The following GALK2 variants were observed in gnomAD, a reference collection of about 807,000 sequenced individuals.
GALK2 encodes N-acetylgalactosamine kinase.
A neutral mutation model predicts 52.4 loss-of-function variants in GALK2; 36 were observed. The observed-to-expected ratio is 0.69, with a 90% CI of 0.53 to 0.91. The LOEUF is 0.91. Among genes scored for constraint, GALK2 ranks in the 40% least tolerant of loss-of-function variants. GALK2 has a pLI of 0.00. For missense variants in GALK2, 579 were observed against 559.1 expected (o/e 1.04, Z -0.36); for synonymous variants, 176 against 199.1 (o/e 0.88, Z 0.98).
chr15:49,219,212 A>T (rs188156973), intron 3 of GALK2, among the ~76,000 whole-genome samples: 1 of 152,160 alleles, frequency 6.6e-6, no homozygotes, highest in Non-Finnish European at 1.5e-5. Flanking sequence ...GTGTCCTGGG[A>T]GGAACCTGGT....
rs528958680 is a variant in GALK2, at chr15:49,270,671, A to G, written c.505-11316A>G. On this transcript the variant is annotated intron_variant, in intron 5 of 9. Transcript: ENST00000560031. ...AGTGTTTGCGAATTAACTATTGTAT[A>G]CATAAAACCCTTTCCCCAAGGCAAA... 3.9e-5 allele frequency among the ~76,000 whole-genome samples: 6 copies of G among 152,338 alleles called. No homozygotes were observed. The South Asian group carries it at 1.0e-3, about 26-fold the overall frequency.
At chr15:49,225,225 C>A (rs755974511) in intron 3 of GALK2, 2 of 455,860 alleles carry the variant, frequency 4.4e-6, no homozygotes, top group African/African-American at 2.0e-5. Context: ...CTGCAGGGCT[C>A]CCTCAGGCAG....
At chr15:49,233,030 A>G (rs371398013) in intron 3 of GALK2, among the ~76,000 whole-genome samples, 1 of 152,252 alleles carries the variant, frequency 6.6e-6, no homozygotes, top group African/African-American at 2.4e-5. Context: ...GTATCTTTAT[A>G]CCAATGCCCC....
chr15:49,293,935 A>G (rs1189137242), intron 8 of GALK2, among the ~76,000 whole-genome samples: 1 of 151,776 alleles, frequency 6.6e-6, no homozygotes, highest in Non-Finnish European at 1.5e-5. Flanking sequence ...CCCTGCCTCT[A>G]CCAGAAACAC....
intron 2 of GALK2, among the ~76,000 whole-genome samples, chr15:49,206,739 G>A (rs2088320603): frequency 6.6e-6 from 1 of 152,036 alleles, no homozygotes. Context: ...GCTTTCTGAA[G>A]GAGTCCATAG....
intron 3 of GALK2, among the ~76,000 whole-genome samples, chr15:49,234,395 C>T (rs547085529): frequency 2.8e-4 from 42 of 152,226 alleles, no homozygotes; most frequent in African/African-American, 9.9e-4. Context: ...TCAGATCTTT[C>T]TACCATAAAG....
At chr15:49,198,845 C>CCCTT in intron 1 of GALK2, 1 of 124,604 alleles carries the variant, frequency 8.0e-6, no homozygotes, top group Non-Finnish European at 1.7e-5. Flanking sequence ...CCCTCTCCCT[C>CCCTT]CCTCCCTCCC....
intron 1 of GALK2, among the ~76,000 whole-genome samples, chr15:49,159,317 T>C (rs1438778839): frequency 2.0e-5 from 3 of 152,192 alleles, no homozygotes; most frequent in African/African-American, 7.2e-5. Flanking sequence ...GGCTCACGCC[T>C]GTAATCCCAG....
chr15:49,334,184 T>A, downstream of GALK2: 1 of 869,856 alleles, frequency 1.1e-6, no homozygotes, highest in African/African-American at 1.8e-5. Flanking sequence ...TTAAAGATGA[T>A]CTTAAGCACT....
At chr15:49,207,030 G>A (rs532005207) in intron 2 of GALK2, among the ~76,000 whole-genome samples, 1 of 152,234 alleles carries the variant, frequency 6.6e-6, no homozygotes, top group African/African-American at 2.4e-5. Flanking sequence ...CAATTTTGCT[G>A]AGAGTCTTAA....
At chr15:49,285,724 A>G (rs891763994) in intron 7 of GALK2, among the ~76,000 whole-genome samples, 4 of 152,176 alleles carry the variant, frequency 2.6e-5, no homozygotes, top group Non-Finnish European at 5.9e-5. Context: ...TGACTATCAC[A>G]TTAGCCTTCT....
intron 1 of GALK2, among the ~76,000 whole-genome samples, chr15:49,180,779 G>C (rs62009779): frequency 0.59 from 89,376 of 151,880 alleles, 26,439 homozygotes; most frequent in Middle Eastern, 0.66. Context: ...ATGCTTCACC[G>C]TACCCCACCT....
intron 3 of GALK2, among the ~76,000 whole-genome samples, chr15:49,223,803 C>G (rs11632063): frequency 0.66 from 100,254 of 151,980 alleles, 33,653 homozygotes; most frequent in African/African-American, 0.74. Flanking sequence ...TGGGCACCTG[C>G]GTTGATTCCA....
chr15:49,334,926 AC>A (rs1433597262), downstream of GALK2, among the ~76,000 whole-genome samples: 10 of 152,190 alleles, frequency 6.6e-5, no homozygotes, highest in African/African-American at 2.4e-4. Flanking sequence ...ACATAAGATT[AC>A]CATGACTGAC....
At chr15:49,331,944 G>A, downstream of GALK2, 3 of 761,878 alleles carry the variant, frequency 3.9e-6, no homozygotes, top group Non-Finnish European at 7.0e-6. Flanking sequence ...TTAATATGCT[G>A]GGCATTCGTC....
At chr15:49,170,011 C>A (rs1376750302), upstream of GALK2, 8 of 331,220 alleles carry the variant, frequency 2.4e-5, no homozygotes, top group Non-Finnish European at 4.5e-5. Flanking sequence ...AAAAGAAAAC[C>A]TCACTAGTCA....
intron 5 of GALK2, among the ~76,000 whole-genome samples, chr15:49,262,099 G>A (rs915726836): frequency 1.3e-5 from 2 of 152,142 alleles, no homozygotes; most frequent in Non-Finnish European, 2.9e-5. Flanking sequence ...AGTTAGGGAG[G>A]ATTCCCTCTT....
At chr15:49,334,757 G>C (rs2039411589), downstream of GALK2, among the ~76,000 whole-genome samples, 1 of 152,092 alleles carries the variant, frequency 6.6e-6, no homozygotes, top group African/African-American at 2.4e-5. Context: ...TGGACAGCAG[G>C]AGGCACCCAA....
chr15:49,332,968 C>G (rs1465075187), downstream of GALK2, among the ~76,000 whole-genome samples: 2 of 152,084 alleles, frequency 1.3e-5, no homozygotes, highest in African/African-American at 4.8e-5. Flanking sequence ...GCTGATTGCT[C>G]TTTAGGCTTC....
Sources: gnomAD v4.1 joint callset for allele counts (sites outside exome capture counted in the v4.1 genomes callset) on GRCh38, gnomAD v4.1.1 for gene constraint, MANE v1.5 for transcripts, NCBI Gene and HGNC (gene_info 2026-07-23, HGNC 2026-07-21) for gene names.